MFHAS1: variants seen among roughly 807,000 people sequenced by gnomAD.
The protein encoded by MFHAS1 is multifunctional ROCO family signaling regulator 1.
MFHAS1 carries 50 observed loss-of-function variants against 70.4 expected under a neutral mutation model. That is an observed-to-expected ratio of 0.71 (90% confidence interval 0.57 to 0.90). The LOEUF (loss-of-function observed/expected upper bound fraction) is 0.90. MFHAS1 is among the 40% of genes least tolerant of loss of function. The pLI is 0.00. For synonymous variants in MFHAS1, 952 were observed against 620.0 expected, an observed-to-expected ratio of 1.54 and a Z score of -7.96; for missense variants, 1,795 against 1,347.6, an observed-to-expected ratio of 1.33 and a Z score of -5.20.
intron 1 of MFHAS1, among the ~76,000 whole-genome samples, chr8:8,818,574 A>T (rs1430126101): frequency 6.6e-6 from 1 of 152,260 alleles, no homozygotes; most frequent in Non-Finnish European, 1.5e-5. Flanking sequence ...CTCTGTGGAT[A>T]GTAAATGCCA....
At chr8:8,829,636 A>G (rs1271773589) in intron 1 of MFHAS1, among the ~76,000 whole-genome samples, 3 of 152,186 alleles carry the variant, frequency 2.0e-5, no homozygotes, top group South Asian at 2.1e-4. Context: ...AGCCGAGATC[A>G]CGCCACTGCA....
intron 1 of MFHAS1, among the ~76,000 whole-genome samples, chr8:8,840,709 G>T (rs954097954): frequency 6.6e-5 from 10 of 152,122 alleles, no homozygotes; most frequent in African/African-American, 2.2e-4. Flanking sequence ...GTTAGATGCC[G>T]TTGGTTCTTA....
At chr8:8,854,773 T>C (rs1808372484) in intron 1 of MFHAS1, among the ~76,000 whole-genome samples, 1 of 152,186 alleles carries the variant, frequency 6.6e-6, no homozygotes, top group Non-Finnish European at 1.5e-5. Flanking sequence ...AAATTATTCG[T>C]TGCTTACGTG....
At chr8:8,873,806 T>G (rs1201935264) in intron 1 of MFHAS1, among the ~76,000 whole-genome samples, 5 of 152,236 alleles carry the variant, frequency 3.3e-5, no homozygotes, top group Non-Finnish European at 7.3e-5. Context: ...CAGTTCGTTC[T>G]TAATTATATT....
At chr8:8,813,015 C>T (rs1158488838) in intron 1 of MFHAS1, among the ~76,000 whole-genome samples, 1 of 152,176 alleles carries the variant, frequency 6.6e-6, no homozygotes, top group Non-Finnish European at 1.5e-5. Flanking sequence ...GATCTGTCCA[C>T]TTCAGCCTCC....
intron 1 of MFHAS1, among the ~76,000 whole-genome samples, chr8:8,822,866 C>T (rs773526112): frequency 3.3e-5 from 5 of 151,152 alleles, no homozygotes; most frequent in South Asian, 2.1e-4. Flanking sequence ...GGGACTGAGA[C>T]GGGCACAGGG....
At chr8:8,867,518 C>T (rs1808904789) in intron 1 of MFHAS1, among the ~76,000 whole-genome samples, 1 of 151,852 alleles carries the variant, frequency 6.6e-6, no homozygotes, top group Non-Finnish European at 1.5e-5. Context: ...AGTATTATTA[C>T]ACGCCAATAA....
chr8:8,786,729 A>G (rs1295697518), intron 2 of MFHAS1, among the ~76,000 whole-genome samples: 1 of 151,454 alleles, frequency 6.6e-6, no homozygotes, highest in Admixed American at 6.6e-5. Flanking sequence ...AACTTTTAAT[A>G]AAATATACAA....
chr8:8,870,290 C>CAA (rs61229252), intron 1 of MFHAS1, among the ~76,000 whole-genome samples: 33 of 113,106 alleles, frequency 2.9e-4, no homozygotes, highest in African/African-American at 5.4e-4. Context: ...CCTGTCTCTA[C>CAA]AAAAAAAAAA....
intron 1 of MFHAS1, among the ~76,000 whole-genome samples, chr8:8,888,372 G>A (rs556083370): frequency 1.9e-4 from 29 of 152,266 alleles, no homozygotes; most frequent in Non-Finnish European, 3.2e-4. Context: ...GTGGGACGCA[G>A]TCTTCCATTT....
At chr8:8,793,000 G>A (rs958405349) in intron 2 of MFHAS1, among the ~76,000 whole-genome samples, 1 of 152,144 alleles carries the variant, frequency 6.6e-6, no homozygotes, top group African/African-American at 2.4e-5. Flanking sequence ...ATTTCTATCT[G>A]ATAATCAGCA....
intron 1 of MFHAS1, among the ~76,000 whole-genome samples, chr8:8,846,294 GATAAGAAGGAGGA>G (rs1808033296): frequency 4.7e-5 from 5 of 106,802 alleles, no homozygotes; most frequent in African/African-American, 2.0e-4. Flanking sequence ...GGGGGAGGAG[GATAAGAAGGAGGA>G]GGGGAAGGAG....
chr8:8,799,874 G>T (rs539991679), intron 1 of MFHAS1, among the ~76,000 whole-genome samples: 1 of 152,212 alleles, frequency 6.6e-6, no homozygotes, highest in South Asian at 2.1e-4. Flanking sequence ...TACACCTCGT[G>T]TAATCTTCAC....
At chr8:8,851,550 T>C (rs975272851) in intron 1 of MFHAS1, among the ~76,000 whole-genome samples, 4 of 152,188 alleles carry the variant, frequency 2.6e-5, no homozygotes, top group Non-Finnish European at 5.9e-5. Context: ...CATCCTACCA[T>C]GTAGTACAAC....
At chr8:8,862,608 T>C (rs577918032) in intron 1 of MFHAS1, among the ~76,000 whole-genome samples, 1 of 152,290 alleles carries the variant, frequency 6.6e-6, no homozygotes, top group East Asian at 1.9e-4. Context: ...CAGAGGAATT[T>C]TAGGGCAGTA....
At chr8:8,806,069 T>A (rs1806278716) in intron 1 of MFHAS1, among the ~76,000 whole-genome samples, 1 of 152,218 alleles carries the variant, frequency 6.6e-6, no homozygotes, top group Admixed American at 6.5e-5. Flanking sequence ...TGTAGCATTG[T>A]TCCCTACGTC....
At chr8:8,866,710 A>C (rs964441002) in intron 1 of MFHAS1, among the ~76,000 whole-genome samples, 1 of 152,156 alleles carries the variant, frequency 6.6e-6, no homozygotes, top group Non-Finnish European at 1.5e-5. Flanking sequence ...ACACATTCTC[A>C]TAAACAGTGA....
intron 1 of MFHAS1, among the ~76,000 whole-genome samples, chr8:8,871,598 C>T (rs1464118671): frequency 2.0e-5 from 3 of 152,168 alleles, no homozygotes; most frequent in African/African-American, 7.2e-5. Context: ...TCATTCATTT[C>T]CCCCTCACAA....
At chr8:8,810,877 G>C (rs971479308) in intron 1 of MFHAS1, among the ~76,000 whole-genome samples, 1 of 152,174 alleles carries the variant, frequency 6.6e-6, no homozygotes, top group Non-Finnish European at 1.5e-5. Context: ...CAAGGAAGGG[G>C]AGGAAGGAGA....
Sources: gnomAD v4.1 joint callset for allele counts (sites outside exome capture counted in the v4.1 genomes callset) on GRCh38, gnomAD v4.1.1 for gene constraint, MANE v1.5 for transcripts, NCBI Gene and HGNC (gene_info 2026-07-23, HGNC 2026-07-21) for gene names.